CES5A: variants seen among roughly 807,000 people sequenced by gnomAD.
CES5A encodes carboxylesterase 5.
A neutral mutation model predicts 62.9 loss-of-function variants in CES5A; 67 were observed. The ratio of observed to expected loss-of-function variants is 1.07; its 90% CI spans 0.88 to 1.31. The LOEUF (loss-of-function observed/expected upper bound fraction) is 1.31. Among genes scored for constraint, CES5A ranks in the 50% most tolerant of loss-of-function variants. The probability of loss-of-function intolerance (pLI) is 0.00; values close to 1 mark genes in which losing one functional copy is unlikely to be tolerated. For synonymous variants in CES5A, 296 were observed against 280.8 expected (o/e 1.05, Z -0.54); for missense variants, 748 against 708.5 (o/e 1.06, Z -0.63).
intron 7 of CES5A, among the ~76,000 whole-genome samples, chr16:55,860,668 C>T (rs1399903382): frequency 2.6e-5 from 4 of 152,154 alleles, no homozygotes; most frequent in Admixed American, 6.5e-5. Flanking sequence ...ACACTCAGCC[C>T]TAGTCATGGT....
intron 1 of CES5A, among the ~76,000 whole-genome samples, chr16:55,908,854 C>T (rs2142448322): frequency 6.6e-6 from 1 of 152,352 alleles, no homozygotes; most frequent in Non-Finnish European, 1.5e-5. Context: ...TTTCCACCTG[C>T]AGTGGACATG....
At chr16:55,897,475 G>A (rs1292031895) in intron 1 of CES5A, among the ~76,000 whole-genome samples, 1 of 152,144 alleles carries the variant, frequency 6.6e-6, no homozygotes, top group Non-Finnish European at 1.5e-5. Flanking sequence ...GGAATACTTG[G>A]CCTTTCTTGT....
intron 1 of CES5A, among the ~76,000 whole-genome samples, chr16:55,917,100 C>G (rs1369065436): frequency 6.6e-6 from 1 of 152,212 alleles, no homozygotes; most frequent in African/African-American, 2.4e-5. Flanking sequence ...AGGCTCACTC[C>G]TCAGAGCTCT....
At chr16:55,904,485 T>A (rs1341484817) in intron 1 of CES5A, among the ~76,000 whole-genome samples, 1 of 152,120 alleles carries the variant, frequency 6.6e-6, no homozygotes, top group African/African-American at 2.4e-5. Context: ...CAACTATAGA[T>A]TCACTCCGAG....
At chr16:55,909,551 T>C (rs1049842411) in intron 1 of CES5A, among the ~76,000 whole-genome samples, 1 of 140,208 alleles carries the variant, frequency 7.1e-6, no homozygotes, top group Non-Finnish European at 1.6e-5. Context: ...GGATTGAGCA[T>C]GTGAGTGCGT....
intron 1 of CES5A, among the ~76,000 whole-genome samples, chr16:55,903,634 A>T (rs1270388659): frequency 3.3e-5 from 5 of 152,222 alleles, no homozygotes; most frequent in Admixed American, 2.6e-4. Context: ...AAATAAGAGA[A>T]ATAGTAAAAA....
At chr16:55,874,784 G>C (rs892074359) in intron 1 of CES5A, among the ~76,000 whole-genome samples, 1 of 152,114 alleles carries the variant, frequency 6.6e-6, no homozygotes, top group African/African-American at 2.4e-5. Context: ...AGCAAAACCC[G>C]GGTGTCTTAG....
At chr16:55,951,652 T>C (rs1051130272) in intron 1 of CES5A, among the ~76,000 whole-genome samples, 8 of 152,228 alleles carry the variant, frequency 5.3e-5, no homozygotes, top group Middle Eastern at 6.8e-3. Context: ...GTTGTAATAA[T>C]ATCAAACAAA....
chr16:55,879,760 T>G (rs1041256437), upstream of CES5A, among the ~76,000 whole-genome samples: 2 of 152,126 alleles, frequency 1.3e-5, no homozygotes, highest in Non-Finnish European at 2.9e-5. Context: ...CTGGCTAATT[T>G]TTTTTAAATT....
chr16:55,935,335 G>A, intron 2 of CES5A, among the ~76,000 whole-genome samples: 1 of 152,224 alleles, frequency 6.6e-6, no homozygotes, highest in East Asian at 1.9e-4. Context: ...ATCTGTGGGA[G>A]AGTCAGCCTT....
At chr16:55,882,428 T>A (rs1305729547) in intron 1 of CES5A, among the ~76,000 whole-genome samples, 2 of 152,176 alleles carry the variant, frequency 1.3e-5, no homozygotes, top group African/African-American at 4.8e-5. Flanking sequence ...CACATCATGA[T>A]CTTCCCACTG....
In CES5A at chr16:55,911,251, C is replaced by T. The variant is rs76200095; in HGVS notation, c.-256+14072G>A. Reference sequence around the variant, plus strand: ...GTGCTCCCGCTTACAGACAGGAAAACAGAAGATACTCAGGGAAGCAATTTT... The same window carrying T: ...GTGCTCCCGCTTACAGACAGGAAAATAGAAGATACTCAGGGAAGCAATTTT... On this transcript the variant is annotated intron_variant, in intron 1 of 12. Coordinates refer to the CES5A transcript ENST00000518005. Among the ~76,000 whole-genome samples, 1,066 of 152,258 alleles carry T rather than the reference C, an allele frequency of 7.0e-3. 8 individuals are homozygous for T. Among genetic ancestry groups the T allele is most frequent in the East Asian group, 0.023 (120 of 5,176 alleles).
intron 8 of CES5A, 24 bp downstream of exon 8, chr16:55,859,523 A>C (rs370819547): frequency 2.0e-4 from 315 of 1,606,202 alleles, no homozygotes; most frequent in Non-Finnish European, 2.6e-4. Context: ...AGGGAGTGGC[A>C]GTATGGACAG....
chr16:55,944,486 T>C (rs1177930168), intron 2 of CES5A: 5 of 164,060 alleles, frequency 3.0e-5, no homozygotes, highest in Non-Finnish European at 6.6e-5. Context: ...GCGGTAGCTG[T>C]CACTTGCCAA....
chr16:55,885,132 C>T (rs1269119624), intron 1 of CES5A, among the ~76,000 whole-genome samples: 1 of 152,190 alleles, frequency 6.6e-6, no homozygotes, highest in East Asian at 1.9e-4. Context: ...ACTCTACTGC[C>T]TTTGTAGGCT....
intron 2 of CES5A, among the ~76,000 whole-genome samples, chr16:55,945,674 C>T (rs1268686007): frequency 6.6e-6 from 1 of 152,230 alleles, no homozygotes; most frequent in Admixed American, 6.5e-5. Flanking sequence ...TTGTCAAAAT[C>T]ATCTGCGGTC....
intron 1 of CES5A, chr16:55,955,725 C>G (rs769745850): frequency 1.8e-6 from 2 of 1,120,046 alleles, no homozygotes; most frequent in Non-Finnish European, 2.6e-6. Context: ...ACCGTGGGGG[C>G]TGACCCAGAG....
upstream of CES5A, among the ~76,000 whole-genome samples, chr16:55,879,475 T>G (rs1213834481): frequency 3.3e-5 from 5 of 150,964 alleles, no homozygotes; most frequent in Non-Finnish European, 7.4e-5. Context: ...ACCCTATCAC[T>G]GCATCCCATC....
At chr16:55,849,539 A>T in intron 11 of CES5A, 85 bp downstream of exon 11, 1 of 1,460,516 alleles carries the variant, frequency 6.8e-7, no homozygotes, top group South Asian at 1.3e-5. Context: ...ATTAAATGCC[A>T]ACCCCGAAGT....
Sources: gnomAD v4.1 joint callset for allele counts (sites outside exome capture counted in the v4.1 genomes callset) on GRCh38, gnomAD v4.1.1 for gene constraint, MANE v1.5 for transcripts, NCBI Gene and HGNC (gene_info 2026-07-23, HGNC 2026-07-21) for gene names.